The following MAP2K5 variants were observed in gnomAD, a reference collection of about 807,000 sequenced individuals.
MAP2K5 encodes the protein dual specificity mitogen-activated protein kinase kinase 5.
MAP2K5 carries 49 observed loss-of-function variants against 83.1 expected under a neutral mutation model. That is an observed-to-expected ratio of 0.59 (90% CI 0.47 to 0.75). The LOEUF is 0.75. MAP2K5 is among the 30% of genes least tolerant of loss of function. The probability of loss-of-function intolerance (pLI) is 0.00; values close to 1 mark genes in which losing one functional copy is unlikely to be tolerated. For missense variants in MAP2K5, 457 were observed against 557.5 expected (o/e 0.82, Z 1.82); for synonymous variants, 202 against 191.8 (o/e 1.05, Z -0.44).
intron 8 of MAP2K5, among the ~76,000 whole-genome samples, chr15:67,624,338 C>CAAAAAAA (rs755739176): frequency 5.1e-5 from 4 of 78,278 alleles, no homozygotes; most frequent in Admixed American, 1.7e-4. Flanking sequence ...GACTCCGTCT[C>CAAAAAAA]AAAAAAAAAA....
At position 67,710,497 on chromosome 15, in the gene MAP2K5, G is replaced by GTTT. The variant is rs10609519; in HGVS notation, c.1044+7111_1044+7113dup. On this transcript the variant is annotated intron_variant, in intron 16 of 21. Transcript: ENST00000178640. ...CATCCAAGTAACATCATCTTCTGAA[G>GTTT]TTTTTTTTTTTTTTTTTTTTTTTTG... Among the ~76,000 whole-genome samples, 264 of 81,010 alleles carry GTTT rather than the reference G, an allele frequency of 3.3e-3. 4 individuals carry two copies. Among genetic ancestry groups the GTTT allele is most frequent in the East Asian group, 5.4e-3 (16 of 2,952 alleles). The allele number at this position is 81,010 out of a possible 152,430, so 53.1% of individuals were successfully genotyped here.
At chr15:67,650,992 A>C (rs1596723673) in intron 11 of MAP2K5, among the ~76,000 whole-genome samples, 1 of 152,180 alleles carries the variant, frequency 6.6e-6, no homozygotes, top group African/African-American at 2.4e-5. Context: ...AGGCAGGTGG[A>C]TCACTGGAGG....
Position 67,594,754 on chromosome 15 carries a change from C to CT in MAP2K5, c.480+1789dup, listed in dbSNP as rs72417910. 3.2e-3 allele frequency among the ~76,000 whole-genome samples: 478 copies of CT among 151,342 alleles called. 20 individuals are homozygous for CT. In the East Asian group the frequency reaches 0.076, roughly 24 times the overall value. Reference sequence around the variant, plus strand: ...GATAACCTCATATTAAATAATATGGCTTTTTTTTTCTTTATAAGGATTAGC... The same window carrying CT: ...GATAACCTCATATTAAATAATATGGCTTTTTTTTTTCTTTATAAGGATTAGC... On this transcript the variant is annotated intron_variant, in intron 7 of 21. Transcript: ENST00000178640.
rs2085377738 is a variant in MAP2K5 at position 67,590,442 on chromosome 15, C to CTCTCTCTCT, written c.432-2484_432-2483insTCTCTCTCT. Among the ~76,000 whole-genome samples the CTCTCTCTCT allele has an allele frequency of 8.2e-3, 48 of 5,830 alleles. 3 individuals carry two copies. The highest frequency in any genetic ancestry group is 0.017 in the African/African-American group (46 of 2,652). The allele number at this position is 5,830 out of a possible 152,430, so 3.8% of individuals were successfully genotyped here. A position where few individuals can be genotyped will look rare whatever the true frequency, so the allele number is the denominator to read the frequency against. Reference sequence around the variant, plus strand: ...CCCTCCCTCCCTCTCTCTCTCCCTCCCTCCCTCTCTCTCTCTCTCTCTCTC... The same window carrying CTCTCTCTCT: ...CCCTCCCTCCCTCTCTCTCTCCCTCCTCTCTCTCTCTCCCTCTCTCTCTCTCTCTCTCTC... On this transcript the variant is annotated intron_variant, in intron 6 of 21. Transcript: ENST00000178640.
chr15:67,800,304 G>C (rs2090680964), intron 21 of MAP2K5, among the ~76,000 whole-genome samples: 1 of 152,158 alleles, frequency 6.6e-6, no homozygotes, highest in Admixed American at 6.5e-5. Flanking sequence ...TATTAATGTA[G>C]AAGTGGGGTT....
In MAP2K5 at chr15:67,748,270, A is replaced by T; in HGVS notation, c.1101+13A>T. ...GGGATCTTTAATGGTAAGCTTTATG[A>T]GTTCAGAAAAAAATTCACTTTTCTT... On this transcript the variant is annotated intron_variant, in intron 18 of 21. Transcript: ENST00000178640. This position sits in a 1 kb window ranked among gnomAD's most constrained non-coding sequence, Gnocchi z 4.0. 1 of 1,599,176 alleles carries T rather than the reference A, an allele frequency of 6.3e-7. No homozygotes were observed. Among genetic ancestry groups the T allele is most frequent in the East Asian group, 2.2e-5 (1 of 44,668 alleles).
At chr15:67,658,869 GTAAA>G (rs2087160214) in intron 12 of MAP2K5, 1 of 508,198 alleles carries the variant, frequency 2.0e-6, no homozygotes, top group Admixed American at 2.7e-5. Context: ...TTGTTGACTC[GTAAA>G]ATTTCCAACT....
At chr15:67,691,199 G>A (rs2088105538) in intron 13 of MAP2K5, among the ~76,000 whole-genome samples, 1 of 152,094 alleles carries the variant, frequency 6.6e-6, no homozygotes, top group Non-Finnish European at 1.5e-5. Context: ...AAATATATCT[G>A]GCACTCTTTC....
chr15:67,733,579 G>A (rs1239677454), intron 17 of MAP2K5, among the ~76,000 whole-genome samples: 1 of 152,080 alleles, frequency 6.6e-6, no homozygotes, highest in Non-Finnish European at 1.5e-5. Context: ...CTGAATCTTT[G>A]GGATCAGAAA....
rs952778663 is a variant in MAP2K5, at chr15:67,586,772, G to C, written c.364-74G>C. On this transcript the variant is annotated intron_variant, in intron 5 of 21. Coordinates refer to ENST00000178640, the MANE Select transcript of MAP2K5 (RefSeq NM_145160.3). ...ACCTTCATAGTGAAATGAGAAATTT[G>C]TGGCAAATTATAGGTTAATTAGAAC... 47 of 1,374,158 alleles carry C rather than the reference G, an allele frequency of 3.4e-5. No homozygotes were observed. The East Asian group carries it at 1.1e-3, about 31-fold the overall frequency. The allele number at this position is 1,374,158 out of a possible 1,614,324, so 85.1% of individuals were successfully genotyped here. A position where few individuals can be genotyped will look rare whatever the true frequency, so the allele number is the denominator to read the frequency against.
At chr15:67,605,365 CTT>C (rs1265527453) in intron 8 of MAP2K5, among the ~76,000 whole-genome samples, 1 of 152,114 alleles carries the variant, frequency 6.6e-6, no homozygotes, top group Non-Finnish European at 1.5e-5. Context: ...CCATGGGACT[CTT>C]TTTGATAAAC....
chr15:67,753,363 T>C (rs900582268), intron 19 of MAP2K5, among the ~76,000 whole-genome samples: 2 of 152,086 alleles, frequency 1.3e-5, no homozygotes, highest in Non-Finnish European at 2.9e-5. Context: ...TCAAAAACTT[T>C]TGTGTGTCAA....
chr15:67,713,569 C>G (rs911741030), intron 16 of MAP2K5, among the ~76,000 whole-genome samples: 2 of 152,322 alleles, frequency 1.3e-5, no homozygotes, highest in Admixed American at 1.3e-4. Flanking sequence ...AACCCCGTCT[C>G]TACTAAAAAT....
chr15:67,766,415 G>A (rs893825489), intron 19 of MAP2K5, among the ~76,000 whole-genome samples: 2 of 152,208 alleles, frequency 1.3e-5, no homozygotes, highest in Non-Finnish European at 2.9e-5. Flanking sequence ...CCAGTACTGA[G>A]AATTCAGTGT....
At chr15:67,685,078 G>T (rs1450433333) in intron 13 of MAP2K5, among the ~76,000 whole-genome samples, 2 of 152,140 alleles carry the variant, frequency 1.3e-5, no homozygotes, top group African/African-American at 4.8e-5. Flanking sequence ...ATTTGGTGAA[G>T]CCTGTAAGTC....
Position 67,772,755 on chromosome 15 carries a change from A to G in MAP2K5, c.1242+3A>G. 6.2e-7 allele frequency: 1 copy of G among 1,601,146 alleles called. No individual in the cohort carries two copies. Among genetic ancestry groups the G allele is most frequent in the Non-Finnish European group, 8.5e-7 (1 of 1,172,968 alleles). On this transcript the variant is annotated splice_donor_region_variant and intron_variant, in intron 21 of 21. Coordinates refer to ENST00000178640, the MANE Select transcript of MAP2K5 (RefSeq NM_145160.3). Reference sequence around the variant, plus strand: ...GGCCAGCACCTGAAGAATTGATGGTAAGTGAATGTTTTTAGTTACATTAGA... The same window carrying G: ...GGCCAGCACCTGAAGAATTGATGGTGAGTGAATGTTTTTAGTTACATTAGA...
chr15:67,661,939 A>G (rs1229718920), intron 12 of MAP2K5, among the ~76,000 whole-genome samples: 1 of 152,056 alleles, frequency 6.6e-6, no homozygotes, highest in East Asian at 1.9e-4. Flanking sequence ...TTAAAGAAAT[A>G]TTTTTGTTAT....
rs766288544 is a variant in MAP2K5 at position 67,748,284 on chromosome 15, T to A, written c.1101+27T>A. 19 of 1,579,376 alleles carry A rather than the reference T, an allele frequency of 1.2e-5. No individual in the cohort carries two copies. The South Asian group carries it at 2.0e-4, about 17-fold the overall frequency. On this transcript the variant is annotated intron_variant, in intron 18 of 21. Coordinates refer to ENST00000178640, the MANE Select transcript of MAP2K5 (RefSeq NM_145160.3). This position sits in a 1 kb window ranked among gnomAD's most constrained non-coding sequence, Gnocchi z 4.0. ...TAAGCTTTATGAGTTCAGAAAAAAA[T>A]TCACTTTTCTTTTTCCTGATGGCTG...
At chr15:67,688,874 G>A (rs1033582985) in intron 13 of MAP2K5, among the ~76,000 whole-genome samples, 4 of 152,272 alleles carry the variant, frequency 2.6e-5, no homozygotes, top group South Asian at 4.1e-4. Context: ...CTTTGTTAAA[G>A]GGGGTTGTTA....
Sources: allele counts gnomAD v4.1 joint callset (sites outside exome capture counted in the v4.1 genomes callset), GRCh38; gene constraint gnomAD v4.1.1; non-coding constraint Gnocchi (gnomAD v3.1); transcripts MANE v1.5; gene names NCBI Gene and HGNC (gene_info 2026-07-23, HGNC 2026-07-21).